LMF1: variants seen among roughly 807,000 people sequenced by gnomAD.
LMF1 encodes the protein transmembrane protein 112.
A neutral mutation model predicts 60.6 loss-of-function variants in LMF1; 68 were observed. The ratio of observed to expected loss-of-function variants is 1.12; its 90% CI spans 0.92 to 1.37. The LOEUF (loss-of-function observed/expected upper bound fraction) is 1.37. Among genes scored for constraint, LMF1 ranks in the 40% most tolerant of loss-of-function variants. The pLI is 0.00. For synonymous variants in LMF1, 418 were observed against 324.7 expected (o/e 1.29, Z -3.09); for missense variants, 948 against 767.2 (o/e 1.24, Z -2.78).
intron 5 of LMF1, 147 bp downstream of exon 5, chr16:892,860 A>G: frequency 1.7e-6 from 1 of 596,828 alleles, no homozygotes; most frequent in East Asian, 3.0e-5. Context: ...CCACCCCGTG[A>G]AGGGAGGGAG....
At chr16:956,060 G>C (rs71384621) in intron 1 of LMF1, among the ~76,000 whole-genome samples, 759 of 21,112 alleles carry the variant, frequency 0.036, 117 homozygotes, top group African/African-American at 0.13. Context: ...GGCGCCCACC[G>C]CACGACGGCT....
chr16:868,780 G>GC (rs1187001052), intron 10 of LMF1, among the ~76,000 whole-genome samples, 164 bp downstream of exon 10: 1 of 149,634 alleles, frequency 6.7e-6, no homozygotes, highest in Non-Finnish European at 1.5e-5. Context: ...GTGGGGCGGG[G>GC]GGGGGGGGCC....
At chr16:941,781 A>G (rs2072106506) in intron 2 of LMF1, among the ~76,000 whole-genome samples, 1 of 152,206 alleles carries the variant, frequency 6.6e-6, no homozygotes, top group Non-Finnish European at 1.5e-5. Context: ...ACCTACTCAC[A>G]ACAGACCTGG....
intron 3 of LMF1, among the ~76,000 whole-genome samples, chr16:917,182 G>A (rs918942555): frequency 1.3e-5 from 2 of 152,182 alleles, no homozygotes; most frequent in African/African-American, 4.8e-5. Flanking sequence ...CATGGGGGAC[G>A]GGTCACCACC....
chr16:914,363 C>T (rs11866415), intron 3 of LMF1, among the ~76,000 whole-genome samples: 44,602 of 151,992 alleles, frequency 0.29, 7,567 homozygotes, highest in African/African-American at 0.46. Flanking sequence ...GGGGAGGCTC[C>T]CCACACCCGA....
chr16:889,474 G>A (rs2070413960), intron 5 of LMF1, among the ~76,000 whole-genome samples: 1 of 152,012 alleles, frequency 6.6e-6, no homozygotes, highest in Non-Finnish European at 1.5e-5. Context: ...CAAGCCCGGA[G>A]GGAGGAGTCC....
chr16:865,218 C>T (rs1029839164), intron 10 of LMF1, among the ~76,000 whole-genome samples: 4 of 152,232 alleles, frequency 2.6e-5, no homozygotes, highest in Non-Finnish European at 4.4e-5. Context: ...CATTTGCCCT[C>T]ATCCATTTAT....
At chr16:944,580 C>T (rs2072190296) in intron 2 of LMF1, among the ~76,000 whole-genome samples, 1 of 152,238 alleles carries the variant, frequency 6.6e-6, no homozygotes, top group Non-Finnish European at 1.5e-5. Flanking sequence ...TCCTGGGCAC[C>T]TGTGCCCTCT....
chr16:974,628 G>A (rs187570821), upstream of LMF1, among the ~76,000 whole-genome samples: 495 of 152,286 alleles, frequency 3.3e-3, 11 homozygotes, highest in Admixed American at 0.029. Context: ...CCCTGTCCCC[G>A]CCGTCCCGGC....
Position 870,785 on chromosome 16 carries a change from G to C in LMF1, c.1176C>G (p.Val392=). The change falls in exon 8 of 11, where the codon GTC becomes GTG. Residue 392 remains valine, a synonymous_variant. Coordinates refer to ENST00000262301, the MANE Select transcript of LMF1 (RefSeq NM_022773.4). ...VVLNLLSSRQ[V]MNTHFNSLHI... ...GAAGAGAGTTGAAGTGGGTGTTCATGACCTGCCTGGAGCTCAGCAAGTTGA... is the reference window on the plus strand; with the variant it reads ...GAAGAGAGTTGAAGTGGGTGTTCATCACCTGCCTGGAGCTCAGCAAGTTGA... The C allele has an allele frequency of 6.2e-7, 1 of 1,612,990 alleles. No homozygotes were observed. The highest frequency in any genetic ancestry group is 8.5e-7 in the Non-Finnish European group (1 of 1,179,820).
chr16:975,428 A>G (rs992326449), upstream of LMF1, among the ~76,000 whole-genome samples: 1 of 152,156 alleles, frequency 6.6e-6, no homozygotes, highest in African/African-American at 2.4e-5. Flanking sequence ...CTCTACCCAC[A>G]GTGCAGTTAT....
rs193154320 is a variant in LMF1 at position 879,842 on chromosome 16, A to C, written c.730-105T>G. 1.3e-3 allele frequency: 1,578 copies of C among 1,178,366 alleles called. 19 individuals carry two copies. In the East Asian group the frequency reaches 0.022, roughly 16 times the overall value. The allele number at this position is 1,178,366 out of a possible 1,614,324, so 73.0% of individuals were successfully genotyped here. ...CCCCTGACCCCGGCTCCTACTGCAC[A>C]CAGGATCCCCCCGGCCCGCCTGGCC... On this transcript the variant is annotated intron_variant, in intron 5 of 10. Transcript: ENST00000262301.
intron 1 of LMF1, chr16:979,257 G>A (rs770385106): frequency 5.7e-5 from 21 of 370,158 alleles, no homozygotes; most frequent in African/African-American, 2.1e-4. Flanking sequence ...GGACTTCAAG[G>A]TGGACCAGAG....
intron 3 of LMF1, 78 bp from the exon 4 acceptor site, chr16:911,157 T>C: frequency 6.6e-7 from 1 of 1,505,024 alleles, no homozygotes; most frequent in Non-Finnish European, 9.1e-7. Context: ...GAAACTCAGT[T>C]TAATGGAAAC....
intron 4 of LMF1, among the ~76,000 whole-genome samples, chr16:895,051 G>A (rs34038120): frequency 0.38 from 57,694 of 152,046 alleles, 12,017 homozygotes; most frequent in African/African-American, 0.53. Flanking sequence ...GGCTGAGGAG[G>A]CCGCGGGGGG....
At position 874,780 on chromosome 16, in the gene LMF1, CGGCGCTCAGAAGTCTCAG is replaced by C. The variant is rs977372624; in HGVS notation, c.898-3457_898-3440del. 1.3e-5 allele frequency among the ~76,000 whole-genome samples: 2 copies of C among 151,938 alleles called. No individual in the cohort carries two copies. Among genetic ancestry groups the C allele is most frequent in the Non-Finnish European group, 2.9e-5 (2 of 67,958 alleles). On this transcript the variant is annotated intron_variant, in intron 6 of 10. Coordinates refer to ENST00000262301, the MANE Select transcript of LMF1 (RefSeq NM_022773.4). The surrounding 1 kb of genome is among the most constrained non-coding windows in gnomAD (Gnocchi z 4.1). ...GGAACCAGGACAGGCTCCAGGCAGG[CGGCGCTCAGAAGTCTCAG>C]GGCACTCGGCTGTCACAGCGCGGCA...
intron 10 of LMF1, among the ~76,000 whole-genome samples, chr16:866,546 G>C (rs1476188432): frequency 6.6e-6 from 1 of 152,120 alleles, no homozygotes. Context: ...TGATACCACA[G>C]AAGCGGGGGA....
intron 1 of LMF1, among the ~76,000 whole-genome samples, chr16:966,447 G>T (rs531679567): frequency 6.6e-6 from 1 of 152,330 alleles, no homozygotes; most frequent in East Asian, 1.9e-4. Flanking sequence ...TCTCTGCGCC[G>T]ACGCCATGGC....
upstream of LMF1, among the ~76,000 whole-genome samples, chr16:971,432 C>T (rs969150104): frequency 6.6e-6 from 1 of 152,270 alleles, no homozygotes; most frequent in Non-Finnish European, 1.5e-5. Context: ...CACTCACTCT[C>T]TGCGGAGGAG....
Sources: gnomAD v4.1 joint callset for allele counts (sites outside exome capture counted in the v4.1 genomes callset) on GRCh38, gnomAD v4.1.1 for gene constraint, Gnocchi (gnomAD v3.1) non-coding constraint, MANE v1.5 for transcripts, NCBI Gene and HGNC (gene_info 2026-07-23, HGNC 2026-07-21) for gene names.